The following CADPS variants were observed in gnomAD, a reference collection of about 807,000 sequenced individuals.
CADPS encodes the protein calcium-dependent secretion activator 1.
A neutral mutation model predicts 167.3 loss-of-function variants in CADPS; 57 were observed. The observed-to-expected ratio is 0.34, with a 90% confidence interval of 0.28 to 0.42. The LOEUF (loss-of-function observed/expected upper bound fraction) is 0.42, where lower values mean the gene tolerates loss of function less well. CADPS is among the 20% of genes least tolerant of loss of function. The probability of loss-of-function intolerance (pLI) is 1.00; values close to 1 mark genes in which losing one functional copy is unlikely to be tolerated. For missense variants in CADPS, 1,414 were observed against 1,738.1 expected (o/e 0.81, Z 3.32); for synonymous variants, 676 against 635.3 (o/e 1.06, Z -0.96).
At chr3:62,694,702 A>C (rs1580592038) in intron 3 of CADPS, among the ~76,000 whole-genome samples, 1 of 152,098 alleles carries the variant, frequency 6.6e-6, no homozygotes. Flanking sequence ...ATTTCACAGC[A>C]AAGTAAGTGC....
chr3:62,403,436 G>A, intron 28 of CADPS: 2 of 281,796 alleles, frequency 7.1e-6, no homozygotes, highest in Admixed American at 5.1e-5. Context: ...ACTCTTCCAC[G>A]ACAGACATTT....
At chr3:62,730,940 C>A (rs138267729) in intron 3 of CADPS, among the ~76,000 whole-genome samples, 2 of 152,316 alleles carry the variant, frequency 1.3e-5, no homozygotes, top group African/African-American at 4.8e-5. Context: ...TTCTAATAGA[C>A]CTCTTTCAAA....
chr3:62,592,743 C>A lies in CADPS; in HGVS notation c.1331G>T (p.Gly444Val). ...DQAEASKPTW[G>V]TQGDFSTTHA... ...GGTTGTGGAGAAGTCACCCTGGGTGCCCCAGCTGCAGACAGAATCAAAGAG... is the reference window on the plus strand; with the variant it reads ...GGTTGTGGAGAAGTCACCCTGGGTGACCCAGCTGCAGACAGAATCAAAGAG... Residue 444 changes from glycine to valine, a missense_variant, in exon 7 of 30, where the codon GGC becomes GTC. Coordinates refer to ENST00000383710, the MANE Select transcript of CADPS (RefSeq NM_003716.4). 3 of 1,612,654 alleles carry A rather than the reference C, an allele frequency of 1.9e-6. No individual in the cohort carries two copies. Among genetic ancestry groups the A allele is most frequent in the Middle Eastern group, 1.6e-4 (1 of 6,062 alleles).
intron 28 of CADPS, among the ~76,000 whole-genome samples, chr3:62,432,821 G>T (rs2054243395): frequency 1.3e-5 from 2 of 152,126 alleles, no homozygotes; most frequent in Admixed American, 1.3e-4. Flanking sequence ...CAGAGGCAGG[G>T]CCCATGATCA....
intron 2 of CADPS, among the ~76,000 whole-genome samples, chr3:62,760,109 G>A (rs2085028106): frequency 6.6e-6 from 1 of 151,772 alleles, no homozygotes; most frequent in African/African-American, 2.4e-5. Flanking sequence ...CCATGCCCAG[G>A]GAGTGAATTG....
chr3:62,421,996 C>T lies in CADPS; in HGVS notation c.3777+16108G>A, dbSNP rs1041899262. Among the ~76,000 whole-genome samples, 1 of 152,206 alleles carries T rather than the reference C, an allele frequency of 6.6e-6. No homozygotes were observed. Among genetic ancestry groups the T allele is most frequent in the Admixed American group, 6.5e-5 (1 of 15,278 alleles). ...AAGCCTCCTTGCCTGGCTAAGCTTA[C>T]AAAGACTGTGCTAAATACATAATAG... is the stretch of plus-strand genomic sequence containing the variant. On this transcript the variant is annotated intron_variant, in intron 28 of 29. Coordinates refer to ENST00000383710, the MANE Select transcript of CADPS (RefSeq NM_003716.4). This position sits in a 1 kb window ranked among gnomAD's most constrained non-coding sequence, Gnocchi z 4.7.
intron 1 of CADPS, among the ~76,000 whole-genome samples, chr3:62,771,511 G>A (rs567331955): frequency 1.1e-4 from 17 of 152,198 alleles, no homozygotes; most frequent in African/African-American, 3.6e-4. Context: ...GACCTTGCAC[G>A]AATAAACTGA....
chr3:62,589,160 A>C (rs1023144535), intron 7 of CADPS, among the ~76,000 whole-genome samples: 1 of 152,246 alleles, frequency 6.6e-6, no homozygotes, highest in Non-Finnish European at 1.5e-5. Context: ...ATGTAACGCC[A>C]GGATTCTAAA....
At chr3:62,737,945 T>C (rs1265410269) in intron 3 of CADPS, among the ~76,000 whole-genome samples, 2 of 152,164 alleles carry the variant, frequency 1.3e-5, no homozygotes, top group Non-Finnish European at 2.9e-5. Flanking sequence ...TCTGTTTATA[T>C]GACATAATAT....
At chr3:62,594,790 C>T (rs1379827934) in intron 6 of CADPS, among the ~76,000 whole-genome samples, 2 of 152,142 alleles carry the variant, frequency 1.3e-5, no homozygotes, top group African/African-American at 4.8e-5. Context: ...GAGCTGTGTT[C>T]CTCAATGCAC....
At chr3:62,573,402 A>C (rs781164846) in intron 8 of CADPS, among the ~76,000 whole-genome samples, 2 of 152,056 alleles carry the variant, frequency 1.3e-5, no homozygotes, top group African/African-American at 2.4e-5. Flanking sequence ...ATTGTATTTG[A>C]TCCATGCTCG....
At chr3:62,628,563 C>T (rs2064578397) in intron 6 of CADPS, among the ~76,000 whole-genome samples, 1 of 150,034 alleles carries the variant, frequency 6.7e-6, no homozygotes, top group African/African-American at 2.4e-5. Context: ...TGTTTTGCCC[C>T]TACTGCTTCT....
At chr3:62,462,413 G>A (rs941142932) in intron 26 of CADPS, among the ~76,000 whole-genome samples, 3 of 152,204 alleles carry the variant, frequency 2.0e-5, no homozygotes, top group African/African-American at 7.2e-5. Context: ...TGCCTGCTCC[G>A]TGCCACTGCA....
At chr3:62,717,172 C>A (rs2084835469) in intron 3 of CADPS, among the ~76,000 whole-genome samples, 1 of 152,132 alleles carries the variant, frequency 6.6e-6, no homozygotes, top group Non-Finnish European at 1.5e-5. Flanking sequence ...ATAAAACAAC[C>A]AACAAAGAGT....
chr3:62,771,849 G>C (rs2088863955), intron 1 of CADPS, among the ~76,000 whole-genome samples: 1 of 152,196 alleles, frequency 6.6e-6, no homozygotes, highest in South Asian at 2.1e-4. Context: ...ATTTACTGAA[G>C]CATTCTGGAG....
intron 26 of CADPS, among the ~76,000 whole-genome samples, chr3:62,450,131 TAA>T (rs2057822806): frequency 6.6e-6 from 1 of 152,188 alleles, no homozygotes; most frequent in South Asian, 2.1e-4. Context: ...TTTCTTGCTA[TAA>T]AAAAGATTCT....
chr3:62,852,250 C>T (rs933921950), intron 1 of CADPS, among the ~76,000 whole-genome samples: 7 of 151,840 alleles, frequency 4.6e-5, no homozygotes, highest in Admixed American at 2.0e-4. Context: ...GTAATTTGAT[C>T]GTCTGAAGCC....
chr3:62,707,919 T>A (rs914642548), intron 3 of CADPS, among the ~76,000 whole-genome samples: 1 of 22,908 alleles, frequency 4.4e-5, no homozygotes, highest in Non-Finnish European at 9.6e-5. Flanking sequence ...GACACAGTAC[T>A]GTTTTTGTTT....
At chr3:62,429,613 TTGTG>T (rs141798520) in intron 28 of CADPS, among the ~76,000 whole-genome samples, 12 of 149,734 alleles carry the variant, frequency 8.0e-5, no homozygotes, top group African/African-American at 2.2e-4. Context: ...CTCTGTGTGT[TTGTG>T]TGTGTGTGTG....
Sources: gnomAD v4.1 joint callset for allele counts (sites outside exome capture counted in the v4.1 genomes callset) on GRCh38, gnomAD v4.1.1 for gene constraint, Gnocchi (gnomAD v3.1) non-coding constraint, MANE v1.5 for transcripts, NCBI Gene and HGNC (gene_info 2026-07-23, HGNC 2026-07-21) for gene names.